ATP6V1C2: variants seen among roughly 807,000 people sequenced by gnomAD.
The protein encoded by ATP6V1C2 is ATPase H+ transporting V1 subunit C2, also known as V-type proton ATPase subunit C 2.
A neutral mutation model predicts 56.8 loss-of-function variants in ATP6V1C2; 45 were observed. The observed-to-expected ratio is 0.79, with a 90% CI of 0.62 to 1.02. The LOEUF is 1.02. Ranked by LOEUF, ATP6V1C2 falls within the 50% of genes least tolerant of loss-of-function variation. The pLI, the probability that ATP6V1C2 is intolerant of heterozygous loss-of-function variation, is 0.00. For synonymous variants in ATP6V1C2, 220 were observed against 201.3 expected (o/e 1.09, Z -0.79); for missense variants, 463 against 519.7 (o/e 0.89, Z 1.06).
rs200597184 is a variant in ATP6V1C2, at chr2:10,768,705, C to T, written c.379-14C>T. The T allele has an allele frequency of 9.3e-6, 15 of 1,613,272 alleles. No individual in the cohort carries two copies. The East Asian group carries it at 3.3e-4, about 36-fold the overall frequency. ...TGCTCAGGGTCACCTGGAGCTTTTG[C>T]TTTCCCAAAACAGCAACTGGCGCAG... On this transcript the variant is annotated splice_polypyrimidine_tract_variant and intron_variant, in intron 5 of 13. Coordinates refer to ENST00000272238, the MANE Select transcript of ATP6V1C2 (RefSeq NM_001039362.2).
intron 3 of ATP6V1C2, among the ~76,000 whole-genome samples, chr2:10,744,665 T>G (rs976860763): frequency 6.2e-5 from 9 of 144,144 alleles, no homozygotes; most frequent in African/African-American, 2.3e-4. Flanking sequence ...TTTTTTCTCT[T>G]TTTCTTTTTT....
At position 10,768,765 on chromosome 2, in the gene ATP6V1C2, A is replaced by G. The variant is rs571796084; in HGVS notation, c.425A>G (p.Tyr142Cys). 1.5e-4 allele frequency: 248 copies of G among 1,614,046 alleles called. 4 individuals carry two copies. The South Asian group carries it at 2.0e-3, about 13-fold the overall frequency. ...GACCTGAAGTCCCGAACGGCCGCCTACAACACTCTGAAGACAAACCTGGAG... is the reference window on the plus strand; with the variant it reads ...GACCTGAAGTCCCGAACGGCCGCCTGCAACACTCTGAAGACAAACCTGGAG... ...EMDLKSRTAA[Y>C]NTLKTNLENL... Residue 142 changes from tyrosine (Y) to cysteine (C), a missense_variant, in exon 6 of 14, where the codon TAC (tyrosine) becomes TGC (cysteine). By Grantham distance (194) the Tyr-to-Cys change is radical. Transcript: ENST00000272238.
chr2:10,782,587 C>T (rs1049125778), intron 13 of ATP6V1C2, among the ~76,000 whole-genome samples: 1 of 151,898 alleles, frequency 6.6e-6, no homozygotes, highest in African/African-American at 2.4e-5. Flanking sequence ...AATCCCAGCA[C>T]TTCAGGAGGC....
intron 8 of ATP6V1C2, 113 bp downstream of exon 8, chr2:10,772,723 C>A (rs1468447984): frequency 3.3e-6 from 3 of 904,948 alleles, no homozygotes; most frequent in Non-Finnish European, 5.5e-6. Flanking sequence ...GCTTTCCACA[C>A]CTGGGCCCTC....
intron 13 of ATP6V1C2, among the ~76,000 whole-genome samples, chr2:10,782,769 T>C (rs1665451252): frequency 7.4e-6 from 1 of 135,878 alleles, no homozygotes; most frequent in Non-Finnish European, 1.5e-5. Flanking sequence ...AGGCGGAGGT[T>C]GCAGTGAGCT....
At chr2:10,727,079 C>T (rs1367722918) in intron 3 of ATP6V1C2, among the ~76,000 whole-genome samples, 2 of 113,808 alleles carry the variant, frequency 1.8e-5, no homozygotes, top group African/African-American at 7.0e-5. Flanking sequence ...CTCCCTTCCT[C>T]CCTTTTTTGA....
At chr2:10,738,150 G>A (rs1335329976) in intron 3 of ATP6V1C2, among the ~76,000 whole-genome samples, 2 of 152,204 alleles carry the variant, frequency 1.3e-5, no homozygotes, top group Non-Finnish European at 2.9e-5. Flanking sequence ...GTTGTTTGAA[G>A]AGTTAAGACA....
At chr2:10,757,840 C>A (rs938702209) in intron 4 of ATP6V1C2, among the ~76,000 whole-genome samples, 3 of 152,186 alleles carry the variant, frequency 2.0e-5, no homozygotes, top group Admixed American at 2.0e-4. Context: ...CCTTAAACTC[C>A]AGGCTTCACT....
In ATP6V1C2 at chr2:10,784,208, T is replaced by C. The variant is rs887430557; in HGVS notation, c.*945T>C. On this transcript the variant is annotated 3_prime_UTR_variant, in exon 14 of 14. Transcript: ENST00000272238. ...GAATGTCCCTTCACTGCTGGAAAAA[T>C]CCACTGGCTCCCAAGAAAAGAAAAT... is the stretch of plus-strand genomic sequence containing the variant. 6 of 1,471,946 alleles carry C rather than the reference T, an allele frequency of 4.1e-6. No individual in the cohort carries two copies. Among genetic ancestry groups the C allele is most frequent in the Admixed American group, 1.8e-5 (1 of 54,368 alleles). 91.2% of individuals were successfully genotyped at this position (1,471,946 alleles called of 1,614,324 possible).
chr2:10,771,773 T>A (rs1465901575), intron 6 of ATP6V1C2, 66 bp from the exon 7 acceptor site: 2 of 1,255,046 alleles, frequency 1.6e-6, no homozygotes, highest in Non-Finnish European at 2.3e-6. Context: ...GGTGTGGGTG[T>A]GTGTGGGGTC....
chr2:10,740,595 C>T (rs556694394), intron 3 of ATP6V1C2, among the ~76,000 whole-genome samples: 1 of 152,246 alleles, frequency 6.6e-6, no homozygotes, highest in Admixed American at 6.5e-5. Flanking sequence ...CCCAGTGATT[C>T]CTAAAAGACT....
rs369589291 is a variant in ATP6V1C2 at position 10,721,902 on chromosome 2, G to T, written c.-27+171G>T. 3.0e-4 allele frequency among the ~76,000 whole-genome samples: 46 copies of T among 152,342 alleles called. 1 individual carries two copies. In the East Asian group the frequency reaches 5.8e-3, roughly 19 times the overall value. The stretch of plus-strand genomic sequence containing the variant: ...AGCATCTCCGCAGGTGCTGCGGCGG[G>T]CCAGTTCGTCCCCAGGCCATGGGCA... On this transcript the variant is annotated intron_variant, in intron 1 of 13. Transcript: ENST00000272238.
At chr2:10,755,630 C>T (rs546141296) in intron 4 of ATP6V1C2, among the ~76,000 whole-genome samples, 2 of 152,320 alleles carry the variant, frequency 1.3e-5, no homozygotes, top group African/African-American at 4.8e-5. Context: ...GGAGCTCAGC[C>T]CGGCTCCTAC....
At chr2:10,744,554 C>A (rs1662760410) in intron 3 of ATP6V1C2, among the ~76,000 whole-genome samples, 1 of 151,502 alleles carries the variant, frequency 6.6e-6, no homozygotes, top group Non-Finnish European at 1.5e-5. Context: ...ATTCTAGTAT[C>A]TGACACTTGA....
At chr2:10,781,344 G>A (rs547787559) in intron 12 of ATP6V1C2, among the ~76,000 whole-genome samples, 27 of 152,254 alleles carry the variant, frequency 1.8e-4, no homozygotes, top group African/African-American at 6.0e-4. Flanking sequence ...GCGTGGTGGT[G>A]GCGGGCGCCT....
In ATP6V1C2 at chr2:10,761,706, G is replaced by A. The variant is rs116288324; in HGVS notation, c.284-2625G>A. Among the ~76,000 whole-genome samples the A allele has an allele frequency of 4.6e-3, 707 of 152,276 alleles. 9 individuals carry two copies. The highest frequency in any genetic ancestry group is 0.016 in the African/African-American group (679 of 41,560). Reference sequence around the variant, plus strand: ...CATCGTCCCATGGCCTTTCCTTGGTGCCTGTATGAGGACAGGGAGAGCACG... The same window carrying A: ...CATCGTCCCATGGCCTTTCCTTGGTACCTGTATGAGGACAGGGAGAGCACG... On this transcript the variant is annotated intron_variant, in intron 4 of 13. Coordinates refer to ENST00000272238, the MANE Select transcript of ATP6V1C2 (RefSeq NM_001039362.2).
At chr2:10,757,096 T>C (rs1394264040) in intron 4 of ATP6V1C2, among the ~76,000 whole-genome samples, 3 of 135,490 alleles carry the variant, frequency 2.2e-5, no homozygotes, top group Non-Finnish European at 3.1e-5. Context: ...CACCGCAACC[T>C]CTGCCTATCA....
At chr2:10,778,150 G>T (rs971712526) in intron 11 of ATP6V1C2, among the ~76,000 whole-genome samples, 2 of 152,226 alleles carry the variant, frequency 1.3e-5, no homozygotes, top group Non-Finnish European at 1.5e-5. Context: ...CGGCATCAGT[G>T]GCTGCTGCTG....
At chr2:10,729,395 C>T (rs1397398449) in intron 3 of ATP6V1C2, among the ~76,000 whole-genome samples, 1 of 151,842 alleles carries the variant, frequency 6.6e-6, no homozygotes, top group East Asian at 1.9e-4. Context: ...AACTCCTGAC[C>T]TCAAGTGATT....
Sources: allele counts gnomAD v4.1 joint callset (sites outside exome capture counted in the v4.1 genomes callset), GRCh38; gene constraint gnomAD v4.1.1; transcripts MANE v1.5; gene names NCBI Gene and HGNC (gene_info 2026-07-23, HGNC 2026-07-21).